Variants in LATS2 observed in about 807,000 individuals in gnomAD.
LATS2 encodes large tumor suppressor kinase 2, also known as serine/threonine-protein kinase LATS2.
LATS2 carries 24 observed loss-of-function variants against 76.0 expected under a neutral mutation model. The observed-to-expected ratio is 0.32, with a 90% CI of 0.23 to 0.44. LATS2 has a LOEUF of 0.44. LATS2 is among the 20% of genes least tolerant of loss of function. The pLI is 1.00. For missense variants in LATS2, 1,286 were observed against 1,481.2 expected, an observed-to-expected ratio of 0.87 and a Z score of 2.16; for synonymous variants, 692 against 635.4, an observed-to-expected ratio of 1.09 and a Z score of -1.34.
chr13:21,046,080 A>AC lies in LATS2; in HGVS notation c.-55_-54insG. 8.2e-7 allele frequency: 1 copy of AC among 1,223,020 alleles called. No individual in the cohort carries two copies. The highest frequency in any genetic ancestry group is 2.5e-5 in the East Asian group (1 of 39,290). 75.8% of individuals were successfully genotyped at this position (1,223,020 alleles called of 1,614,324 possible). ...TACAATCTTCTTAAAGTGTTTTATT[A>AC]TTTAAAAAAAAAAACTGTCAATAGT... On this transcript the variant is annotated 5_prime_UTR_variant, in exon 2 of 8. Coordinates refer to ENST00000382592, the MANE Select transcript of LATS2 (RefSeq NM_014572.3).
chr13:21,009,761 C>A lies in LATS2; in HGVS notation c.343-18357G>T, dbSNP rs552731941. Reference sequence around the variant, plus strand: ...AATACACCAAGTACATGCTGTGAGCCCACAGGGCAGTGAGGATGAGGTATG... The same window carrying A: ...AATACACCAAGTACATGCTGTGAGCACACAGGGCAGTGAGGATGAGGTATG... On this transcript the variant is annotated intron_variant, in intron 2 of 7. Coordinates refer to ENST00000382592, the MANE Select transcript of LATS2 (RefSeq NM_014572.3). 3.3e-5 allele frequency among the ~76,000 whole-genome samples: 5 copies of A among 152,264 alleles called. No homozygotes were observed. The East Asian group carries it at 9.7e-4, about 29-fold the overall frequency.
At chr13:21,020,162 A>G (rs2138358762) in intron 2 of LATS2, among the ~76,000 whole-genome samples, 1 of 152,186 alleles carries the variant, frequency 6.6e-6, no homozygotes, top group East Asian at 1.9e-4. Flanking sequence ...ATACCTGAAA[A>G]CACACCAATT....
At chr13:20,982,703 T>C (rs1162341325) in intron 5 of LATS2, among the ~76,000 whole-genome samples, 3 of 151,736 alleles carry the variant, frequency 2.0e-5, no homozygotes, top group Admixed American at 2.0e-4. Flanking sequence ...GTCTTAAAAA[T>C]ATAGTAGGCC....
intron 2 of LATS2, among the ~76,000 whole-genome samples, chr13:21,026,775 G>C (rs992617122): frequency 6.6e-6 from 1 of 152,154 alleles, no homozygotes; most frequent in Non-Finnish European, 1.5e-5. Flanking sequence ...AGGTAACATA[G>C]CAAAACCTCA....
chr13:21,001,828 G>A (rs576112028), intron 2 of LATS2, among the ~76,000 whole-genome samples: 6 of 152,062 alleles, frequency 3.9e-5, no homozygotes, highest in South Asian at 2.1e-4. Context: ...GCGGTGAGCC[G>A]AGACAGCGCC....
At chr13:20,984,791 C>A (rs115854717) in intron 4 of LATS2, among the ~76,000 whole-genome samples, 218 of 152,246 alleles carry the variant, frequency 1.4e-3, no homozygotes, top group African/African-American at 5.0e-3. Context: ...TATCAAAATA[C>A]CAATGATATT....
At chr13:21,044,087 A>C (rs1208707800) in intron 2 of LATS2, among the ~76,000 whole-genome samples, 2 of 152,184 alleles carry the variant, frequency 1.3e-5, no homozygotes, top group Non-Finnish European at 2.9e-5. Flanking sequence ...CTGCTGAAAC[A>C]CTCTGCACCA....
At chr13:21,054,565 GACACTGACTCA>G (rs1873387008) in intron 1 of LATS2, among the ~76,000 whole-genome samples, 2 of 152,150 alleles carry the variant, frequency 1.3e-5, no homozygotes, top group African/African-American at 2.4e-5. Context: ...CCACCACACG[GACACTGACTCA>G]CAGCAGAGCC....
At position 20,973,571 on chromosome 13, in the gene LATS2, C is replaced by T. The variant is rs904379344; in HGVS notation, c.*1299G>A. 7 of 231,668 alleles carry T rather than the reference C, an allele frequency of 3.0e-5. No individual in the cohort carries two copies. The highest frequency in any genetic ancestry group is 1.1e-4 in the African/African-American group (5 of 45,148). The allele number at this position is 231,668 out of a possible 1,614,324, so 14.4% of individuals were successfully genotyped here. A position where few individuals can be genotyped will look rare whatever the true frequency, so the allele number is the denominator to read the frequency against. ...ATACATCTATACTTCTAAGAAAATACGTATGGCTTACTTTTTATTTCAATG... is the reference window on the plus strand; with the variant it reads ...ATACATCTATACTTCTAAGAAAATATGTATGGCTTACTTTTTATTTCAATG... On this transcript the variant is annotated 3_prime_UTR_variant, in exon 8 of 8. Transcript: ENST00000382592.
At position 21,056,217 on chromosome 13, in the gene LATS2, C is replaced by T. The variant is rs548862591; in HGVS notation, c.-205+5129G>A. The stretch of plus-strand genomic sequence containing the variant: ...AGTGGCAAGATCTGAGGGGGAGTTT[C>T]GCCATGAGATGGGGTTTCGCCATGT... On this transcript the variant is annotated intron_variant, in intron 1 of 7. Transcript: ENST00000382592. 1.1e-4 allele frequency among the ~76,000 whole-genome samples: 16 copies of T among 152,008 alleles called. 1 individual carries two copies. The South Asian group carries it at 2.9e-3, about 28-fold the overall frequency.
rs78279661 is a variant in LATS2, at chr13:21,007,513, A to C, written c.343-16109T>G. ...CAGAGCCAAGGATAAGGGAAGGAGT[A>C]GTTAGTCGTAGGGGATGGATATATA... On this transcript the variant is annotated intron_variant, in intron 2 of 7. Transcript: ENST00000382592. Among the ~76,000 whole-genome samples the C allele has an allele frequency of 6.9e-3, 741 of 106,798 alleles. 38 individuals are homozygous for C. The highest frequency in any genetic ancestry group is 0.026 in the African/African-American group (700 of 27,012). 70.1% of individuals were successfully genotyped at this position (106,798 alleles called of 152,430 possible). A position where few individuals can be genotyped will look rare whatever the true frequency, so the allele number is the denominator to read the frequency against.
At chr13:21,025,737 C>T (rs1565958510) in intron 2 of LATS2, among the ~76,000 whole-genome samples, 1 of 152,192 alleles carries the variant, frequency 6.6e-6, no homozygotes, top group Admixed American at 6.5e-5. Context: ...CTGGTTCATA[C>T]ATGGTGAGGT....
intron 2 of LATS2, among the ~76,000 whole-genome samples, chr13:21,043,864 C>T (rs1872972727): frequency 1.3e-5 from 2 of 152,164 alleles, no homozygotes; most frequent in Admixed American, 6.5e-5. Context: ...GCTTGGTTTG[C>T]CTCCTTTGTC....
chr13:20,980,080 C>A (rs1016333592), intron 6 of LATS2, among the ~76,000 whole-genome samples: 1 of 152,008 alleles, frequency 6.6e-6, no homozygotes, highest in African/African-American at 2.4e-5. Context: ...TAGTTACTAG[C>A]CAGAATTTTA....
chr13:20,996,796 A>C lies in LATS2; in HGVS notation c.343-5392T>G, dbSNP rs1311657508. On this transcript the variant is annotated intron_variant, in intron 2 of 7. Coordinates refer to ENST00000382592, the MANE Select transcript of LATS2 (RefSeq NM_014572.3). ...TCTATGCCTCACAGTTTGGGGAGCC[A>C]CAATGGTTACAAAATAAGAGTCTGA... 3.9e-5 allele frequency among the ~76,000 whole-genome samples: 6 copies of C among 152,212 alleles called. No individual in the cohort carries two copies. The East Asian group carries it at 5.8e-4, about 15-fold the overall frequency.
rs565156750 is a variant in LATS2, at chr13:20,982,876, G to A, written c.2482+348C>T. ...GGTGGTGGTGCGTGACTGTAATCCCGGCTACTCGGGAGGCTGGAGGCAGGA... is the reference window on the plus strand; with the variant it reads ...GGTGGTGGTGCGTGACTGTAATCCCAGCTACTCGGGAGGCTGGAGGCAGGA... On this transcript the variant is annotated intron_variant, in intron 5 of 7. Coordinates refer to ENST00000382592, the MANE Select transcript of LATS2 (RefSeq NM_014572.3). Among the ~76,000 whole-genome samples the A allele has an allele frequency of 8.7e-4, 132 of 150,876 alleles. 1 individual carries two copies. The highest frequency in any genetic ancestry group is 3.0e-3 in the African/African-American group (125 of 41,178).
At chr13:21,013,233 TC>T (rs1434818129) in intron 2 of LATS2, among the ~76,000 whole-genome samples, 1 of 152,176 alleles carries the variant, frequency 6.6e-6, no homozygotes, top group Non-Finnish European at 1.5e-5. Flanking sequence ...GCAGGCTGCC[TC>T]CCAGGTTACC....
intron 2 of LATS2, among the ~76,000 whole-genome samples, chr13:20,995,242 G>A (rs1595221457): frequency 6.6e-6 from 1 of 152,290 alleles, no homozygotes; most frequent in East Asian, 1.9e-4. Flanking sequence ...TAGATTTTAT[G>A]CATGTTTGAT....
At chr13:21,035,271 T>A (rs559154058) in intron 2 of LATS2, among the ~76,000 whole-genome samples, 6 of 152,282 alleles carry the variant, frequency 3.9e-5, no homozygotes, top group South Asian at 4.1e-4. Context: ...ATTTTTTTTT[T>A]AATTTTGAAA....
Sources: allele counts gnomAD v4.1 joint callset (sites outside exome capture counted in the v4.1 genomes callset), GRCh38; gene constraint gnomAD v4.1.1; transcripts MANE v1.5; gene names NCBI Gene and HGNC (gene_info 2026-07-23, HGNC 2026-07-21).